The following DMRT1 variants were observed in gnomAD, a reference collection of about 807,000 sequenced individuals.
DMRT1 encodes doublesex and mab-3 related transcription factor 1.
Under a neutral mutation model 32.3 loss-of-function variants are expected in DMRT1, and 7 were observed. That is an observed-to-expected ratio of 0.22 (90% CI 0.12 to 0.41). DMRT1 has a LOEUF of 0.41. Among genes scored for constraint, DMRT1 ranks in the 10% least tolerant of loss-of-function variants. The probability of loss-of-function intolerance (pLI) is 1.00; values close to 1 mark genes in which losing one functional copy is unlikely to be tolerated. For missense variants in DMRT1, 625 were observed against 500.5 expected (o/e 1.25, Z -2.37); for synonymous variants, 278 against 206.1 (o/e 1.35, Z -2.99).
chr9:884,408 A>G (rs1816846015), intron 2 of DMRT1, among the ~76,000 whole-genome samples: 1 of 151,428 alleles, frequency 6.6e-6, no homozygotes, highest in Non-Finnish European at 1.5e-5. Context: ...GTGAAGCCCT[A>G]TCAAAGAACT....
Position 894,063 on chromosome 9 carries a change from G to C in DMRT1, c.690G>C (p.Gln230His), listed in dbSNP as rs1817255020. ...ACAACAATCTATACAACTGCCCGCA[G>C]TACTCCATGGCCTTGGCTGCTGATT... ...PYYNNLYNCP[Q>H]YSMALAADSA... Residue 230 changes from glutamine (Q) to histidine (H), a missense_variant, in exon 3 of 5, where the codon CAG (glutamine) becomes CAC (histidine). Physicochemically the swap from Gln to His is conservative, Grantham distance 24. Around this residue, in one of 3 missense-constraint regions of DMRT1, gnomAD observed 416 missense variants for 321.6 expected, o/e 1.29. Transcript: ENST00000382276. 1.9e-6 allele frequency: 3 copies of C among 1,614,254 alleles called. No individual in the cohort carries two copies. Among genetic ancestry groups the C allele is most frequent in the Non-Finnish European group, 2.5e-6 (3 of 1,180,048 alleles).
intron 3 of DMRT1, among the ~76,000 whole-genome samples, chr9:916,466 G>T (rs535522684): frequency 7.9e-4 from 120 of 152,082 alleles, no homozygotes; most frequent in Non-Finnish European, 1.6e-3. Context: ...AAACTCCTGG[G>T]TTCAAGTGAT....
At chr9:934,775 C>G (rs947820487) in intron 4 of DMRT1, among the ~76,000 whole-genome samples, 1 of 152,110 alleles carries the variant, frequency 6.6e-6, no homozygotes, top group African/African-American at 2.4e-5. Flanking sequence ...GGTCTTGGTG[C>G]CAAGAGGACA....
intron 3 of DMRT1, among the ~76,000 whole-genome samples, chr9:901,295 G>C (rs1307752799): frequency 6.6e-6 from 1 of 152,060 alleles, no homozygotes; most frequent in African/African-American, 2.4e-5. Context: ...GGGATTGCAG[G>C]CATGAGCCAC....
chr9:870,921 C>T (rs148675332), intron 2 of DMRT1, among the ~76,000 whole-genome samples: 1 of 151,922 alleles, frequency 6.6e-6, no homozygotes, highest in African/African-American at 2.4e-5. Flanking sequence ...TCCATGTTGC[C>T]CAGGCTGGTT....
chr9:862,265 C>T (rs146216140), intron 2 of DMRT1, among the ~76,000 whole-genome samples: 28,711 of 151,940 alleles, frequency 0.19, 2,845 homozygotes, highest in East Asian at 0.36. Flanking sequence ...CTCGGGAGGC[C>T]GAGGCTGGCA....
chr9:894,256 C>A, intron 3 of DMRT1, 61 bp downstream of exon 3: 1 of 1,551,512 alleles, frequency 6.4e-7, no homozygotes, highest in Admixed American at 1.7e-5. Flanking sequence ...CATGTGCACA[C>A]ACATGCACAT....
At chr9:864,682 A>T (rs1000767570) in intron 2 of DMRT1, among the ~76,000 whole-genome samples, 4 of 150,696 alleles carry the variant, frequency 2.7e-5, no homozygotes, top group African/African-American at 9.8e-5. Context: ...TTGTATTTTT[A>T]GTAGAGACAG....
chr9:904,792 A>G (rs1241097145), intron 3 of DMRT1, among the ~76,000 whole-genome samples: 1 of 152,152 alleles, frequency 6.6e-6, no homozygotes, highest in Non-Finnish European at 1.5e-5. Flanking sequence ...TAAAAATACA[A>G]AATTAGCTGG....
intron 4 of DMRT1, among the ~76,000 whole-genome samples, chr9:922,137 CCAA>C (rs1818374629): frequency 1.3e-5 from 2 of 152,056 alleles, no homozygotes; most frequent in South Asian, 4.1e-4. Flanking sequence ...CCTCGGCCTC[CCAA>C]AGTGCTGGGA....
chr9:847,806 C>G (rs2181402), intron 2 of DMRT1, among the ~76,000 whole-genome samples: 106,561 of 152,186 alleles, frequency 0.7, 38,156 homozygotes, highest in Middle Eastern at 0.78. Context: ...TGTCCGATAT[C>G]GAAGCCCCTA....
intron 1 of DMRT1, among the ~76,000 whole-genome samples, chr9:845,604 C>T (rs1237526272): frequency 6.6e-6 from 1 of 152,140 alleles, no homozygotes; most frequent in Non-Finnish European, 1.5e-5. Flanking sequence ...CTCTCTTCTT[C>T]CTGTCTGTCT....
In DMRT1 at chr9:847,149, C is replaced by T; in HGVS notation, c.538+6C>T. The T allele has an allele frequency of 6.2e-7, 1 of 1,611,868 alleles. No homozygotes were observed. Among genetic ancestry groups the T allele is most frequent in the Non-Finnish European group, 8.5e-7 (1 of 1,179,594 alleles). ...CCCCACCACTGCAGCTTCAGGTAAT[C>T]TGGAGGGGCTGGGGTTCACATGGAG... On this transcript the variant is annotated splice_donor_region_variant and intron_variant, in intron 2 of 4. Coordinates refer to ENST00000382276, the MANE Select transcript of DMRT1 (RefSeq NM_021951.3).
At chr9:867,583 A>G (rs891049709) in intron 2 of DMRT1, among the ~76,000 whole-genome samples, 33 of 152,156 alleles carry the variant, frequency 2.2e-4, no homozygotes, top group African/African-American at 7.0e-4. Context: ...TGTTTTTCCA[A>G]TTATAGGGAA....
chr9:855,072 C>A (rs1240726496), intron 2 of DMRT1, among the ~76,000 whole-genome samples: 1 of 151,818 alleles, frequency 6.6e-6, no homozygotes, highest in African/African-American at 2.4e-5. Context: ...CGGCCAGGGA[C>A]TGATGGCTTT....
chr9:895,448 G>A (rs1338906062), intron 3 of DMRT1, among the ~76,000 whole-genome samples: 2 of 152,182 alleles, frequency 1.3e-5, no homozygotes, highest in East Asian at 1.9e-4. Flanking sequence ...GGCTTCCTCA[G>A]TGGGGATTTG....
In DMRT1 at chr9:894,224, C is replaced by G. The variant is rs59168737; in HGVS notation, c.822+29C>G. The G allele has an allele frequency of 3.7e-6, 6 of 1,611,120 alleles. 1 individual carries two copies. Reference sequence around the variant, plus strand: ...TGATATTAATTACCCAGAGAGTGAACTGGTTGTGTGAAAGCCACATGCATG... The same window carrying G: ...TGATATTAATTACCCAGAGAGTGAAGTGGTTGTGTGAAAGCCACATGCATG... On this transcript the variant is annotated intron_variant, in intron 3 of 4. Transcript: ENST00000382276.
intron 3 of DMRT1, 71 bp downstream of exon 3, chr9:894,266 T>TACACACAGAGGC (rs1304594468): frequency 3.8e-5 from 58 of 1,528,982 alleles, no homozygotes; most frequent in Non-Finnish European, 5.0e-5. Context: ...CACATGCACA[T>TACACACAGAGGC]ACACACAGAG....
intron 3 of DMRT1, among the ~76,000 whole-genome samples, chr9:911,470 A>ATTTTTTGTTTTTTTTTGTTTTTTT (rs1817978994): frequency 1.5e-5 from 1 of 66,950 alleles, no homozygotes. Context: ...GGTTAATTGC[A>ATTTTTTGTTTTTTTTTGTTTTTTT]TTTTTTTTTT....
Sources: allele counts gnomAD v4.1 joint callset (sites outside exome capture counted in the v4.1 genomes callset), GRCh38; gene constraint gnomAD v4.1.1; regional missense constraint gnomAD v4.1.1; transcripts MANE v1.5; gene names NCBI Gene and HGNC (gene_info 2026-07-23, HGNC 2026-07-21).